Variants in ANKRD6 observed in about 807,000 individuals in gnomAD.
ANKRD6 encodes the protein ankyrin repeat domain-containing protein 6.
Under a neutral mutation model 82.3 loss-of-function variants are expected in ANKRD6, and 56 were observed. The observed-to-expected ratio is 0.68, with a 90% CI of 0.55 to 0.85. The LOEUF (loss-of-function observed/expected upper bound fraction) is 0.85, where lower values mean the gene tolerates loss of function less well. ANKRD6 is among the 40% of genes least tolerant of loss of function. ANKRD6 has a pLI of 0.00. For missense variants in ANKRD6, 852 were observed against 907.6 expected (o/e 0.94, Z 0.79); for synonymous variants, 347 against 352.1 (o/e 0.99, Z 0.16).
intron 2 of ANKRD6, among the ~76,000 whole-genome samples, chr6:89,579,117 G>A (rs1049551213): frequency 6.6e-6 from 1 of 152,152 alleles, no homozygotes; most frequent in African/African-American, 2.4e-5. Context: ...GAAGGTACAA[G>A]CGTGGATGCA....
At chr6:89,466,261 A>G (rs1774834925) in intron 1 of ANKRD6, among the ~76,000 whole-genome samples, 1 of 152,188 alleles carries the variant, frequency 6.6e-6, no homozygotes, top group Non-Finnish European at 1.5e-5. Flanking sequence ...AGGTGGTTCT[A>G]GTTTTTTATT....
intron 1 of ANKRD6, among the ~76,000 whole-genome samples, chr6:89,524,408 C>G (rs1782223622): frequency 6.6e-6 from 1 of 152,104 alleles, no homozygotes; most frequent in South Asian, 2.1e-4. Flanking sequence ...TTTTCCAATC[C>G]TGAGTTACTT....
At chr6:89,543,246 T>C (rs1224916674) in intron 1 of ANKRD6, among the ~76,000 whole-genome samples, 4 of 152,230 alleles carry the variant, frequency 2.6e-5, no homozygotes, top group Non-Finnish European at 5.9e-5. Flanking sequence ...TATTTTGCTT[T>C]ATAGACTTAA....
At chr6:89,502,196 T>A (rs1415292233) in intron 1 of ANKRD6, among the ~76,000 whole-genome samples, 1 of 152,262 alleles carries the variant, frequency 6.6e-6, no homozygotes, top group East Asian at 1.9e-4. Context: ...ATCTGGGGTT[T>A]ACACTGCCTG....
intron 1 of ANKRD6, among the ~76,000 whole-genome samples, chr6:89,503,586 C>CCTG (rs1438913473): frequency 6.6e-6 from 1 of 152,132 alleles, no homozygotes; most frequent in Non-Finnish European, 1.5e-5. Flanking sequence ...ATATTAAGTG[C>CCTG]CTGCTATATG....
intron 1 of ANKRD6, among the ~76,000 whole-genome samples, chr6:89,479,574 AGAATT>A (rs1167563592): frequency 6.6e-6 from 1 of 151,144 alleles, no homozygotes; most frequent in Non-Finnish European, 1.5e-5. Context: ...TTCCATAATT[AGAATT>A]ATTTCTTTTT....
intron 13 of ANKRD6, 111 bp from the exon 14 acceptor site, chr6:89,627,472 T>G (rs1314371860): frequency 3.8e-6 from 3 of 784,136 alleles, no homozygotes; most frequent in East Asian, 5.3e-5. Flanking sequence ...GGGTTGAAGT[T>G]TGCATGCAGG....
chr6:89,470,778 T>C (rs1775357841), intron 1 of ANKRD6, among the ~76,000 whole-genome samples: 1 of 152,164 alleles, frequency 6.6e-6, no homozygotes, highest in Non-Finnish European at 1.5e-5. Flanking sequence ...TGTTATCTTT[T>C]TAGGATAAAT....
chr6:89,587,051 C>T (rs986237067), intron 2 of ANKRD6, among the ~76,000 whole-genome samples: 2 of 151,872 alleles, frequency 1.3e-5, no homozygotes, highest in Admixed American at 1.3e-4. Flanking sequence ...ACTAGCGGGG[C>T]ATGGTGGTGG....
chr6:89,441,707 A>G (rs1027056166), intron 1 of ANKRD6, among the ~76,000 whole-genome samples: 3 of 127,492 alleles, frequency 2.4e-5, no homozygotes, highest in African/African-American at 9.2e-5. Flanking sequence ...ATCTTGGCTC[A>G]CTGCAACCTC....
At chr6:89,630,370 C>G in intron 15 of ANKRD6, 63 bp from the exon 16 acceptor site, 3 of 1,541,508 alleles carry the variant, frequency 1.9e-6, no homozygotes, top group East Asian at 2.3e-5. Context: ...AAATACTGAC[C>G]CGCAGCCATA....
chr6:89,616,798 C>A, intron 8 of ANKRD6, 141 bp downstream of exon 8: 1 of 852,464 alleles, frequency 1.2e-6, no homozygotes, highest in Non-Finnish European at 2.0e-6. Flanking sequence ...GCCCCCAGGG[C>A]CATTGGGGTG....
chr6:89,616,901 G>T, intron 8 of ANKRD6: 2 of 637,984 alleles, frequency 3.1e-6, no homozygotes, highest in Non-Finnish European at 5.8e-6. Flanking sequence ...ACACAACCTG[G>T]CATGAAAAAG....
intron 1 of ANKRD6, among the ~76,000 whole-genome samples, chr6:89,517,391 A>C (rs1010740414): frequency 6.6e-6 from 1 of 152,238 alleles, no homozygotes; most frequent in African/African-American, 2.4e-5. Flanking sequence ...TTTTTAATAC[A>C]TTGTGAAAAG....
intron 1 of ANKRD6, among the ~76,000 whole-genome samples, chr6:89,477,642 G>T (rs1024762642): frequency 6.6e-6 from 1 of 151,754 alleles, no homozygotes; most frequent in African/African-American, 2.4e-5. Context: ...GTGGTGGCGG[G>T]TGCCTGTAGT....
At chr6:89,513,268 G>A (rs968495751) in intron 1 of ANKRD6, among the ~76,000 whole-genome samples, 11 of 152,000 alleles carry the variant, frequency 7.2e-5, no homozygotes, top group East Asian at 1.9e-4. Context: ...TGCACAAACC[G>A]TAAAAATACA....
intron 2 of ANKRD6, among the ~76,000 whole-genome samples, chr6:89,570,063 A>ATGTGTGTGTGTGTGTG (rs10651458): frequency 0.026 from 3,814 of 148,814 alleles, 80 homozygotes; most frequent in South Asian, 0.088. Flanking sequence ...ATGTGTGTAT[A>ATGTGTGTGTGTGTGTG]TGTGTGTGTG....
chr6:89,454,625 G>C (rs1773282196), intron 1 of ANKRD6, among the ~76,000 whole-genome samples: 1 of 152,104 alleles, frequency 6.6e-6, no homozygotes, highest in South Asian at 2.1e-4. Flanking sequence ...AATTCAGTGT[G>C]GTAAGTAAAA....
chr6:89,519,287 A>G (rs1209123349), intron 1 of ANKRD6, among the ~76,000 whole-genome samples: 1 of 152,216 alleles, frequency 6.6e-6, no homozygotes, highest in Admixed American at 6.5e-5. Context: ...GAAGAAGCCA[A>G]AGTTGATTCA....
Sources: allele counts gnomAD v4.1 joint callset (sites outside exome capture counted in the v4.1 genomes callset), GRCh38; gene constraint gnomAD v4.1.1; transcripts MANE v1.5; gene names NCBI Gene and HGNC (gene_info 2026-07-23, HGNC 2026-07-21).